The following GALNT13 variants were observed in gnomAD, a reference collection of about 807,000 sequenced individuals.
GALNT13 encodes polypeptide N-acetylgalactosaminyltransferase 13, also known as UDP-GalNAc:polypeptide N-acetylgalactosaminyltransferase 13.
Under a neutral mutation model 64.2 loss-of-function variants are expected in GALNT13, and 28 were observed. The ratio of observed to expected loss-of-function variants is 0.44; its 90% CI spans 0.32 to 0.60. The LOEUF is 0.60. Among genes scored for constraint, GALNT13 ranks in the 20% least tolerant of loss-of-function variants. GALNT13 has a pLI of 0.05. For missense variants in GALNT13, 577 were observed against 669.8 expected (o/e 0.86, Z 1.53); for synonymous variants, 214 against 224.6 (o/e 0.95, Z 0.42).
the GALNT13 span, among the ~76,000 whole-genome samples, chr2:153,176,770 T>TAA: frequency 5.0e-5 from 7 of 139,682 alleles, no homozygotes; most frequent in African/African-American, 1.9e-4. Flanking sequence ...TGCCTGAGTT[T>TAA]AAAAAAAAAA....
At chr2:153,895,513 C>A (rs1446433893) in intron 1 of GALNT13, among the ~76,000 whole-genome samples, 2 of 152,008 alleles carry the variant, frequency 1.3e-5, no homozygotes, top group Non-Finnish European at 2.9e-5. Context: ...GGTAATTAAA[C>A]TCAACATGTA....
the GALNT13 span, among the ~76,000 whole-genome samples, chr2:153,704,704 T>G: frequency 1.3e-5 from 2 of 152,160 alleles, no homozygotes; most frequent in Non-Finnish European, 2.9e-5. Flanking sequence ...AGATATAAAT[T>G]CCATCTGAAC....
the GALNT13 span, among the ~76,000 whole-genome samples, chr2:153,349,380 A>G: frequency 9.9e-5 from 15 of 152,146 alleles, no homozygotes; most frequent in African/African-American, 2.7e-4. Flanking sequence ...TTTCTATCCT[A>G]CAGTGCCTGG....
intron 4 of GALNT13, among the ~76,000 whole-genome samples, chr2:154,169,421 C>A (rs1222835841): frequency 6.6e-6 from 1 of 152,126 alleles, no homozygotes; most frequent in Non-Finnish European, 1.5e-5. Context: ...ATTATATGAA[C>A]ACAACCAGCT....
At chr2:153,956,473 A>G (rs1350118116) in intron 3 of GALNT13, among the ~76,000 whole-genome samples, 1 of 152,168 alleles carries the variant, frequency 6.6e-6, no homozygotes, top group African/African-American at 2.4e-5. Flanking sequence ...CAGATCATCT[A>G]TAACATGCTA....
At chr2:153,564,870 TAGAGTC>T in the GALNT13 span, among the ~76,000 whole-genome samples, 1 of 152,150 alleles carries the variant, frequency 6.6e-6, no homozygotes, top group African/African-American at 2.4e-5. Flanking sequence ...TTTAGCAGAA[TAGAGTC>T]AGAGATTCTT....
At chr2:153,070,538 A>G in the GALNT13 span, among the ~76,000 whole-genome samples, 3 of 152,206 alleles carry the variant, frequency 2.0e-5, no homozygotes, top group African/African-American at 7.2e-5. Context: ...GATGCTAATA[A>G]TAGGGGAAAT....
chr2:153,415,006 A>G, the GALNT13 span, among the ~76,000 whole-genome samples: 1 of 152,258 alleles, frequency 6.6e-6, no homozygotes, highest in African/African-American at 2.4e-5. Context: ...CCCAGGTAGT[A>G]GGAATTACAG....
the GALNT13 span, among the ~76,000 whole-genome samples, chr2:153,251,785 A>G: frequency 6.6e-6 from 1 of 151,742 alleles, no homozygotes. Context: ...CCATGTCCCT[A>G]CAAAGGACAT....
chr2:153,585,132 GA>G, the GALNT13 span, among the ~76,000 whole-genome samples: 4 of 152,168 alleles, frequency 2.6e-5, no homozygotes, highest in African/African-American at 4.8e-5. Context: ...TAAAGAGCTT[GA>G]GGAGATGCAA....
the GALNT13 span, among the ~76,000 whole-genome samples, chr2:153,152,818 T>C: frequency 3.9e-5 from 6 of 152,200 alleles, no homozygotes; most frequent in Non-Finnish European, 8.8e-5. Context: ...CTGATGGACA[T>C]TTAGGTTGAT....
chr2:154,380,707 CA>C (rs979044959), intron 9 of GALNT13, among the ~76,000 whole-genome samples: 11 of 151,892 alleles, frequency 7.2e-5, no homozygotes, highest in African/African-American at 2.7e-4. Context: ...GGCTGAAATC[CA>C]GACATATTTA....
chr2:154,329,961 A>G (rs985556103), intron 9 of GALNT13, among the ~76,000 whole-genome samples: 5 of 152,106 alleles, frequency 3.3e-5, no homozygotes, highest in Admixed American at 2.0e-4. Context: ...CCATGAGCCA[A>G]GTAAACCTCT....
At chr2:154,020,751 T>A (rs960406646) in intron 3 of GALNT13, among the ~76,000 whole-genome samples, 1 of 151,354 alleles carries the variant, frequency 6.6e-6, no homozygotes, top group African/African-American at 2.4e-5. Context: ...TTGCTTTTGG[T>A]GTTTTAGACA....
chr2:154,381,662 G>A (rs192769643), intron 9 of GALNT13, among the ~76,000 whole-genome samples: 2 of 152,130 alleles, frequency 1.3e-5, no homozygotes, highest in East Asian at 3.9e-4. Flanking sequence ...TCCAATGTGG[G>A]TTCTTTCACT....
chr2:153,123,659 G>T, the GALNT13 span, among the ~76,000 whole-genome samples: 1 of 152,152 alleles, frequency 6.6e-6, no homozygotes, highest in Non-Finnish European at 1.5e-5. Flanking sequence ...AACTACATAG[G>T]ATATAATGAT....
At chr2:153,508,445 G>A in the GALNT13 span, among the ~76,000 whole-genome samples, 1 of 152,090 alleles carries the variant, frequency 6.6e-6, no homozygotes. Flanking sequence ...ATGTTCCCAC[G>A]TGGAGTATGG....
the GALNT13 span, among the ~76,000 whole-genome samples, chr2:153,737,143 C>A: frequency 6.6e-6 from 1 of 152,016 alleles, no homozygotes; most frequent in African/African-American, 2.4e-5. Context: ...GGCTTATGAA[C>A]CTAATTATTC....
chr2:153,133,387 G>T, the GALNT13 span, among the ~76,000 whole-genome samples: 2 of 152,200 alleles, frequency 1.3e-5, no homozygotes, highest in South Asian at 2.1e-4. Flanking sequence ...CTTTGCAGGG[G>T]GTAGGAGCCT....
Sources: gnomAD v4.1 joint callset for allele counts (sites outside exome capture counted in the v4.1 genomes callset) on GRCh38, gnomAD v4.1.1 for gene constraint, MANE v1.5 for transcripts, NCBI Gene and HGNC (gene_info 2026-07-23, HGNC 2026-07-21) for gene names.